EIF3A: variants seen among roughly 807,000 people sequenced by gnomAD.
The protein encoded by EIF3A is EIF3, p180 subunit.
In EIF3A, 21 loss-of-function variants were observed where a neutral mutation model predicts 186.6. The ratio of observed to expected loss-of-function variants is 0.11; its 90% confidence interval spans 0.08 to 0.16. The LOEUF is 0.16. EIF3A is among the 10% of genes least tolerant of loss of function. The probability of loss-of-function intolerance (pLI) is 1.00; values close to 1 mark genes in which losing one functional copy is unlikely to be tolerated. For synonymous variants in EIF3A, 563 were observed against 584.3 expected (o/e 0.96, Z 0.52); for missense variants, 1,306 against 1,796.3 (o/e 0.73, Z 4.93).
At chr10:119,053,678 C>T (rs920914401) in intron 14 of EIF3A, among the ~76,000 whole-genome samples, 2 of 151,964 alleles carry the variant, frequency 1.3e-5, no homozygotes, top group South Asian at 4.2e-4. Context: ...TGAGATCACG[C>T]CACTGCACTC....
chr10:119,036,785 TTC>T (rs1370608996), intron 21 of EIF3A, among the ~76,000 whole-genome samples: 2 of 152,178 alleles, frequency 1.3e-5, no homozygotes, highest in Admixed American at 6.5e-5. Context: ...CAGAATAAAC[TTC>T]TGTTACAATT....
chr10:119,066,052 C>T (rs963591774), intron 6 of EIF3A, among the ~76,000 whole-genome samples: 1 of 149,244 alleles, frequency 6.7e-6, no homozygotes, highest in Non-Finnish European at 1.5e-5. Context: ...GGAGGCGGAG[C>T]TTGCAGTGAG....
At chr10:119,079,860 C>T (rs1477354744) in intron 1 of EIF3A, among the ~76,000 whole-genome samples, 1 of 152,156 alleles carries the variant, frequency 6.6e-6, no homozygotes, top group African/African-American at 2.4e-5. Context: ...CTTGGGGAAA[C>T]CTCTCTCTAG....
At position 119,060,055 on chromosome 10, in the gene EIF3A, T is replaced by C. The variant is rs7908143; in HGVS notation, c.1327-337A>G. On this transcript the variant is annotated intron_variant, in intron 9 of 21. Coordinates refer to ENST00000369144, the MANE Select transcript of EIF3A (RefSeq NM_003750.4). ...GCAGCATTACTATTTATAGTTATAC[T>C]GCTAATTAGCCTTCAATTATTTGTA... is the stretch of plus-strand genomic sequence containing the variant. 1.4e-3 allele frequency: 713 copies of C among 518,576 alleles called. 6 individuals carry two copies. Among genetic ancestry groups the C allele is most frequent in the African/African-American group, 0.013 (660 of 51,590 alleles). The allele number at this position is 518,576 out of a possible 1,614,324, so 32.1% of individuals were successfully genotyped here. A position where few individuals can be genotyped will look rare whatever the true frequency, so the allele number is the denominator to read the frequency against.
chr10:119,054,958 C>T (rs112845995), intron 14 of EIF3A, among the ~76,000 whole-genome samples: 5,983 of 152,170 alleles, frequency 0.039, 352 homozygotes, highest in African/African-American at 0.12. Context: ...GCCTATAATC[C>T]CAGCACTTTG....
chr10:119,052,887 C>G (rs1421545264), intron 14 of EIF3A, among the ~76,000 whole-genome samples: 1 of 152,196 alleles, frequency 6.6e-6, no homozygotes, highest in Non-Finnish European at 1.5e-5. Flanking sequence ...GTACTTTGCC[C>G]AGATCCACCA....
chr10:119,080,530 C>A (rs1469219081), intron 1 of EIF3A, 98 bp downstream of exon 1: 3 of 1,443,222 alleles, frequency 2.1e-6, no homozygotes, highest in Non-Finnish European at 2.7e-6. Flanking sequence ...CCTCTCCCCG[C>A]GCGGGCCGGG....
rs542741248 is a variant in EIF3A, at chr10:119,037,974, T to C, written c.3728+264A>G. Reference sequence around the variant, plus strand: ...TCTTGTTGCCCAGGCTGGAGTGCAATGGCGCTATCTCGGCTCACCACAACC... The same window carrying C: ...TCTTGTTGCCCAGGCTGGAGTGCAACGGCGCTATCTCGGCTCACCACAACC... On this transcript the variant is annotated intron_variant, in intron 20 of 21. Coordinates refer to ENST00000369144, the MANE Select transcript of EIF3A (RefSeq NM_003750.4). 3.1e-5 allele frequency among the ~76,000 whole-genome samples: 4 copies of C among 128,610 alleles called. No homozygotes were observed. The East Asian group carries it at 1.0e-3, about 33-fold the overall frequency. The allele number at this position is 128,610 out of a possible 152,430, so 84.4% of individuals were successfully genotyped here.
chr10:119,070,555 T>C (rs1844054863), intron 5 of EIF3A, among the ~76,000 whole-genome samples: 1 of 109,376 alleles, frequency 9.1e-6, no homozygotes, highest in South Asian at 3.7e-4. Context: ...TTTTCTACTC[T>C]ATACTTATTT....
chr10:119,078,477 A>T (rs1844210279), intron 1 of EIF3A, among the ~76,000 whole-genome samples: 1 of 152,356 alleles, frequency 6.6e-6, no homozygotes, highest in South Asian at 2.1e-4. Flanking sequence ...ACATTTAGAT[A>T]AAATGAGATT....
At chr10:119,074,700 G>A (rs937735984) in intron 1 of EIF3A, among the ~76,000 whole-genome samples, 3 of 151,404 alleles carry the variant, frequency 2.0e-5, no homozygotes, top group Admixed American at 6.6e-5. Flanking sequence ...TTGGGAGGAC[G>A]AGGAGGGCAG....
rs1330867267 is a variant in EIF3A, at chr10:119,065,116, A to AGG, written c.1122+282_1122+283insCC. ...TAGAGCCTCCATGAAATAAGCCATG[A>AGG]CTCTTCTTGCCCATCATTACTTCTT... On this transcript the variant is annotated intron_variant, in intron 7 of 21. Transcript: ENST00000369144. Among the ~76,000 whole-genome samples the AGG allele has an allele frequency of 9.2e-5, 14 of 151,946 alleles. 1 individual carries two copies. Among genetic ancestry groups the AGG allele is most frequent in the African/African-American group, 3.4e-4 (14 of 41,334 alleles).
chr10:119,036,014 C>G lies in EIF3A; in HGVS notation c.*25G>C, dbSNP rs777303870. The G allele has an allele frequency of 2.0e-6, 3 of 1,527,852 alleles. No individual in the cohort carries two copies. Among genetic ancestry groups the G allele is most frequent in the African/African-American group, 2.7e-5 (2 of 73,128 alleles). 94.6% of individuals were successfully genotyped at this position (1,527,852 alleles called of 1,614,324 possible). A position where few individuals can be genotyped will look rare whatever the true frequency, so the allele number is the denominator to read the frequency against. On this transcript the variant is annotated 3_prime_UTR_variant, in exon 22 of 22. Coordinates refer to ENST00000369144, the MANE Select transcript of EIF3A (RefSeq NM_003750.4). ...ATGTGATCAAACCTATTTAAGACAC[C>G]AGTTTAAATCCATTATCTTGAGACT...
intron 18 of EIF3A, among the ~76,000 whole-genome samples, chr10:119,043,215 T>C (rs1848238213): frequency 6.6e-6 from 1 of 151,978 alleles, no homozygotes; most frequent in African/African-American, 2.4e-5. Context: ...GGTCAGGAGT[T>C]CAAGACCAGC....
At chr10:119,059,154 C>T (rs1309192235) in intron 11 of EIF3A, 58 bp downstream of exon 11, 1 of 1,361,822 alleles carries the variant, frequency 7.3e-7, no homozygotes, top group African/African-American at 1.5e-5. Context: ...AAAGACATGG[C>T]ATGGCGTTAA....
chr10:119,077,953 G>A (rs940272061), intron 1 of EIF3A, among the ~76,000 whole-genome samples: 4 of 152,126 alleles, frequency 2.6e-5, no homozygotes, highest in Non-Finnish European at 5.9e-5. Flanking sequence ...TTGACTTCCA[G>A]ATTAATATTA....
At position 119,080,725 on chromosome 10, in the gene EIF3A, C is replaced by T. The variant is rs1235642009; in HGVS notation, c.-49G>A. ...CGGCGTCAGCGAACTCTCTAGTGGC[C>T]CGGGCCGGGAGAGGAGACGAAGGGG... On this transcript the variant is annotated 5_prime_UTR_variant, in exon 1 of 22. Coordinates refer to ENST00000369144, the MANE Select transcript of EIF3A (RefSeq NM_003750.4). The T allele has an allele frequency of 6.4e-7, 1 of 1,558,314 alleles. No individual in the cohort carries two copies. Among genetic ancestry groups the T allele is most frequent in the South Asian group, 1.2e-5 (1 of 84,312 alleles).
chr10:119,057,623 A>C (rs944523830), intron 12 of EIF3A, among the ~76,000 whole-genome samples: 13 of 152,070 alleles, frequency 8.5e-5, no homozygotes, highest in Admixed American at 2.0e-4. Flanking sequence ...AAAAATACAA[A>C]AATTAGCCAG....
rs1848227790 is a variant in EIF3A at position 119,042,674 on chromosome 10, G to C, written c.2846C>G (p.Ser949Cys). The change falls in exon 19 of 22, where the codon TCT (serine) becomes TGT (cysteine). Residue 949 changes from serine to cysteine, a missense_variant. Coordinates refer to ENST00000369144, the MANE Select transcript of EIF3A (RefSeq NM_003750.4). The surrounding 1 kb of genome is among the most constrained non-coding windows in gnomAD (Gnocchi z 7.8). ...AACCCGATCATCGTCTGGTCTAAGA[G>C]AGGGCTCTCTATCTTCATCATCCCC... ...RLGDDEDREP[S>C]LRPDDDRVPR... is the part of the protein sequence containing the mutation. The C allele has an allele frequency of 1.2e-6, 2 of 1,614,154 alleles. No individual in the cohort carries two copies. The highest frequency in any genetic ancestry group is 2.2e-5 in the South Asian group (2 of 91,076).
Sources: allele counts gnomAD v4.1 joint callset (sites outside exome capture counted in the v4.1 genomes callset), GRCh38; gene constraint gnomAD v4.1.1; non-coding constraint Gnocchi (gnomAD v3.1); transcripts MANE v1.5; gene names NCBI Gene and HGNC (gene_info 2026-07-23, HGNC 2026-07-21).